Variants in TBC1D30 observed in about 807,000 individuals in gnomAD.
TBC1D30 encodes the protein TBC1 domain family, member 30.
In TBC1D30, 31 loss-of-function variants were observed where a neutral mutation model predicts 63.2. That is an observed-to-expected ratio of 0.49 (90% CI 0.37 to 0.66). TBC1D30 has a LOEUF of 0.66. TBC1D30 is among the 30% of genes least tolerant of loss of function. The pLI is 0.00. For missense variants in TBC1D30, 810 were observed against 953.6 expected, an observed-to-expected ratio of 0.85 and a Z score of 1.98; for synonymous variants, 307 against 361.5, an observed-to-expected ratio of 0.85 and a Z score of 1.71.
chr12:64,778,243 T>G (rs535139604), upstream of TBC1D30, among the ~76,000 whole-genome samples: 1 of 152,274 alleles, frequency 6.6e-6, no homozygotes, highest in Non-Finnish European at 1.5e-5. Context: ...TTTTCTCTGG[T>G]TTTCATGGTA....
At chr12:64,800,155 A>G (rs1162403345) in intron 2 of TBC1D30, among the ~76,000 whole-genome samples, 1 of 152,156 alleles carries the variant, frequency 6.6e-6, no homozygotes, top group Non-Finnish European at 1.5e-5. Flanking sequence ...CCCTGTGGAC[A>G]GGGGTAGGAG....
In TBC1D30 at chr12:64,870,228, G is replaced by A. The variant is rs191221333; in HGVS notation, c.1292-374G>A. Among the ~76,000 whole-genome samples, 17 of 152,266 alleles carry A rather than the reference G, an allele frequency of 1.1e-4. No homozygotes were observed. In the East Asian group the frequency reaches 2.9e-3, roughly 26 times the overall value. Reference sequence around the variant, plus strand: ...CCAATTCTGTATAAATCCTCATGCCGTTGTGTGGAAATCTGTACAGTGATT... The same window carrying A: ...CCAATTCTGTATAAATCCTCATGCCATTGTGTGGAAATCTGTACAGTGATT... On this transcript the variant is annotated intron_variant, in intron 10 of 11. Transcript: ENST00000539867.
chr12:64,769,909 G>C (rs1293018337), intron 1 of TBC1D30, among the ~76,000 whole-genome samples: 6 of 152,078 alleles, frequency 3.9e-5, no homozygotes. Context: ...TTGTAATTTT[G>C]CAATTGTAAA....
At chr12:64,824,559 A>C, upstream of TBC1D30, 48 of 259,260 alleles carry the variant, frequency 1.9e-4, no homozygotes, top group Middle Eastern at 1.1e-3. Context: ...CGGTGCCGGG[A>C]TTGGGGGCGG....
chr12:64,799,890 A>C (rs1025129940), intron 2 of TBC1D30, among the ~76,000 whole-genome samples: 2 of 152,192 alleles, frequency 1.3e-5, no homozygotes, highest in Admixed American at 1.3e-4. Flanking sequence ...GCAAATGACG[A>C]GGTCAGGAGT....
intron 2 of TBC1D30, among the ~76,000 whole-genome samples, chr12:64,814,340 C>G (rs982963438): frequency 6.6e-6 from 1 of 151,944 alleles, no homozygotes; most frequent in Admixed American, 6.6e-5. Flanking sequence ...AGCCACCATG[C>G]CTGGCCAGGA....
chr12:64,780,507 G>GGCCACGTCCGT (rs1468713420), upstream of TBC1D30, among the ~76,000 whole-genome samples: 1 of 152,254 alleles, frequency 6.6e-6, no homozygotes, highest in Non-Finnish European at 1.5e-5. Flanking sequence ...ACGGTGTTCT[G>GGCCACGTCCGT]GCCACGTCCT....
In TBC1D30 at chr12:64,857,698, G is replaced by A. The variant is rs139800000; in HGVS notation, c.1039-6970G>A. ...TGCAGTCCTTGTGTCCTAGTCTGCT[G>A]TTCAGGTTTACCTAGGACCCCAGAG... On this transcript the variant is annotated intron_variant, in intron 8 of 11. Coordinates refer to ENST00000539867, the MANE Select transcript of TBC1D30 (RefSeq NM_015279.2). Among the ~76,000 whole-genome samples the A allele has an allele frequency of 3.0e-3, 458 of 152,320 alleles. 1 individual carries two copies. Among genetic ancestry groups the A allele is most frequent in the African/African-American group, 0.011 (437 of 41,576 alleles).
intron 2 of TBC1D30, among the ~76,000 whole-genome samples, chr12:64,794,480 C>T (rs1001334359): frequency 6.6e-6 from 1 of 151,892 alleles, no homozygotes; most frequent in Non-Finnish European, 1.5e-5. Flanking sequence ...GTCTGTTGCC[C>T]ATGTTGGAGT....
intron 2 of TBC1D30, among the ~76,000 whole-genome samples, chr12:64,786,558 C>T (rs1349890511): frequency 6.6e-6 from 1 of 152,040 alleles, no homozygotes; most frequent in African/African-American, 2.4e-5. Context: ...TCAGGCTGAT[C>T]TCAAACTCCT....
intron 1 of TBC1D30, among the ~76,000 whole-genome samples, chr12:64,766,088 G>A (rs1248101775): frequency 6.6e-6 from 1 of 152,034 alleles, no homozygotes; most frequent in Non-Finnish European, 1.5e-5. Flanking sequence ...ATTAAGAGAT[G>A]ATTAAACAAT....
At chr12:64,802,787 G>T (rs1487275753) in intron 2 of TBC1D30, among the ~76,000 whole-genome samples, 2 of 152,118 alleles carry the variant, frequency 1.3e-5, no homozygotes, top group East Asian at 3.9e-4. Context: ...GAGAATGATG[G>T]TTTCCAGCTT....
intron 11 of TBC1D30, among the ~76,000 whole-genome samples, chr12:64,873,929 C>T (rs1005340969): frequency 1.3e-5 from 2 of 152,124 alleles, no homozygotes; most frequent in African/African-American, 4.8e-5. Context: ...AAGAAGGAAA[C>T]TCGCACACAG....
chr12:64,870,476 T>A, intron 10 of TBC1D30, 126 bp from the exon 11 acceptor site: 1 of 744,212 alleles, frequency 1.3e-6, no homozygotes, highest in East Asian at 2.7e-5. Flanking sequence ...CTAGTATGCG[T>A]TTTTTTCTGT....
chr12:64,874,319 C>T (rs1878876798), intron 11 of TBC1D30, among the ~76,000 whole-genome samples: 1 of 152,156 alleles, frequency 6.6e-6, no homozygotes, highest in South Asian at 2.1e-4. Flanking sequence ...AACTCCTGGC[C>T]TCAAGTGATC....
At chr12:64,827,270 C>T (rs937404837) in intron 1 of TBC1D30, among the ~76,000 whole-genome samples, 10 of 151,996 alleles carry the variant, frequency 6.6e-5, no homozygotes, top group African/African-American at 1.5e-4. Flanking sequence ...ACCAACATGA[C>T]GAAACCCTGT....
At chr12:64,813,577 TATATCTA>T (rs1260550582) in intron 2 of TBC1D30, among the ~76,000 whole-genome samples, 1 of 152,190 alleles carries the variant, frequency 6.6e-6, no homozygotes, top group Admixed American at 6.5e-5. Flanking sequence ...TGACTGCCAT[TATATCTA>T]GAATTTCAAG....
rs1879424520 is a variant in TBC1D30, at chr12:64,880,915, G to A, written c.*5127G>A. 6.6e-6 allele frequency: 1 copy of A among 152,086 alleles called. No individual in the cohort carries two copies. Among genetic ancestry groups the A allele is most frequent in the Non-Finnish European group, 1.5e-5 (1 of 68,026 alleles). 9.4% of individuals were successfully genotyped at this position (152,086 alleles called of 1,614,324 possible). A position where few individuals can be genotyped will look rare whatever the true frequency, so the allele number is the denominator to read the frequency against. The stretch of plus-strand genomic sequence containing the variant: ...GAAGGAGGTGGATCAATTCTCCTAT[G>A]GGACCAACAGTTTTCTGGGAAGAAA... On this transcript the variant is annotated 3_prime_UTR_variant, in exon 12 of 12. Transcript: ENST00000539867.
chr12:64,793,942 T>G (rs1872097002), intron 2 of TBC1D30, among the ~76,000 whole-genome samples: 1 of 152,224 alleles, frequency 6.6e-6, no homozygotes, highest in African/African-American at 2.4e-5. Context: ...CTTTCTTGAT[T>G]ATTCTTTTTA....
Sources: allele counts gnomAD v4.1 joint callset (sites outside exome capture counted in the v4.1 genomes callset), GRCh38; gene constraint gnomAD v4.1.1; transcripts MANE v1.5; gene names NCBI Gene and HGNC (gene_info 2026-07-23, HGNC 2026-07-21).